Variants in BCAS3 observed in about 807,000 individuals in gnomAD.
BCAS3 encodes BCAS4/BCAS3 fusion.
BCAS3 carries 53 observed loss-of-function variants against 116.1 expected under a neutral mutation model. The observed-to-expected ratio is 0.46, with a 90% CI of 0.37 to 0.57. The LOEUF is 0.57. BCAS3 is among the 20% of genes least tolerant of loss of function. BCAS3 has a pLI of 0.00. For missense variants in BCAS3, 917 were observed against 1,165.4 expected (o/e 0.79, Z 3.10); for synonymous variants, 391 against 408.2 (o/e 0.96, Z 0.51).
At chr17:61,016,914 A>G (rs1484653116) in intron 16 of BCAS3, 1 of 152,204 alleles carries the variant, frequency 6.6e-6, no homozygotes, top group Non-Finnish European at 1.5e-5. Flanking sequence ...AGCTCCAGGT[A>G]TCACCACAAC....
chr17:60,949,613 T>C (rs1300326455), intron 14 of BCAS3, among the ~76,000 whole-genome samples: 1 of 152,190 alleles, frequency 6.6e-6, no homozygotes, highest in Non-Finnish European at 1.5e-5. Context: ...GTTGTACCTA[T>C]TTGTGGGGTA....
intron 22 of BCAS3, among the ~76,000 whole-genome samples, chr17:61,319,668 T>C (rs941496145): frequency 6.6e-6 from 1 of 151,928 alleles, no homozygotes; most frequent in East Asian, 1.9e-4. Flanking sequence ...AATTTTTTGA[T>C]GGCTTGTCAT....
intron 7 of BCAS3, among the ~76,000 whole-genome samples, chr17:60,858,459 A>T (rs2053868100): frequency 6.6e-6 from 1 of 151,760 alleles, no homozygotes; most frequent in Non-Finnish European, 1.5e-5. Flanking sequence ...CCCTACTCCC[A>T]CAGTCATGGT....
At chr17:60,860,708 G>A (rs1430016517) in intron 7 of BCAS3, among the ~76,000 whole-genome samples, 1 of 152,138 alleles carries the variant, frequency 6.6e-6, no homozygotes, top group Non-Finnish European at 1.5e-5. Context: ...TCCTGCATAT[G>A]GTTTGCCAGT....
intron 22 of BCAS3, among the ~76,000 whole-genome samples, chr17:61,340,895 G>T (rs1354441371): frequency 1.3e-5 from 2 of 152,210 alleles, no homozygotes; most frequent in South Asian, 2.1e-4. Context: ...AACAGTCAGT[G>T]TGGGATATAT....
chr17:60,821,339 TACA>T (rs765389136), intron 7 of BCAS3, among the ~76,000 whole-genome samples: 25 of 152,206 alleles, frequency 1.6e-4, no homozygotes, highest in Non-Finnish European at 3.2e-4. Context: ...CATACATACA[TACA>T]TACATACATT....
chr17:60,895,220 A>G (rs1185119878), intron 10 of BCAS3, among the ~76,000 whole-genome samples: 2 of 151,814 alleles, frequency 1.3e-5, no homozygotes, highest in African/African-American at 2.4e-5. Context: ...TTTATTACCT[A>G]CTCACTCTCA....
rs983740222 is a variant in BCAS3 at position 61,181,288 on chromosome 17, G to A, written c.2425+96724G>A. Reference sequence around the variant, plus strand: ...TCCTTGCCTAAGCCCATGCTTACATGCTAAGGCCTGAAACTGTGAAGACCT... The same window carrying A: ...TCCTTGCCTAAGCCCATGCTTACATACTAAGGCCTGAAACTGTGAAGACCT... On this transcript the variant is annotated intron_variant, in intron 22 of 23. Coordinates refer to ENST00000407086, the MANE Select transcript of BCAS3 (RefSeq NM_017679.5). This position sits in a 1 kb window ranked among gnomAD's most constrained non-coding sequence, Gnocchi z 5.0. Among the ~76,000 whole-genome samples, 1 of 152,188 alleles carries A rather than the reference G, an allele frequency of 6.6e-6. No individual in the cohort carries two copies. Among genetic ancestry groups the A allele is most frequent in the Non-Finnish European group, 1.5e-5 (1 of 68,044 alleles).
At chr17:61,085,591 G>A (rs1466467493) in intron 22 of BCAS3, among the ~76,000 whole-genome samples, 1 of 152,130 alleles carries the variant, frequency 6.6e-6, no homozygotes, top group Non-Finnish European at 1.5e-5. Flanking sequence ...ATTGTACCTT[G>A]CATCTTACTG....
Position 60,990,341 on chromosome 17 carries a change from A to C in BCAS3, c.1486+106A>C. The C allele has an allele frequency of 8.3e-7, 1 of 1,197,788 alleles. No homozygotes were observed. Among genetic ancestry groups the C allele is most frequent in the South Asian group, 1.6e-5 (1 of 63,934 alleles). The allele number at this position is 1,197,788 out of a possible 1,614,324, so 74.2% of individuals were successfully genotyped here. On this transcript the variant is annotated intron_variant, in intron 15 of 23. Coordinates refer to ENST00000407086, the MANE Select transcript of BCAS3 (RefSeq NM_017679.5). This position sits in a 1 kb window ranked among gnomAD's most constrained non-coding sequence, Gnocchi z 5.1. ...CTTGTTATAGTCTGTTCATGTAAAAAGAAGATCTTAGGCTTATATGAAATT... is the reference window on the plus strand; with the variant it reads ...CTTGTTATAGTCTGTTCATGTAAAACGAAGATCTTAGGCTTATATGAAATT...
intron 6 of BCAS3, among the ~76,000 whole-genome samples, chr17:60,762,042 T>G (rs2043592098): frequency 6.6e-6 from 1 of 152,206 alleles, no homozygotes; most frequent in South Asian, 2.1e-4. Flanking sequence ...TGCCCGCTTT[T>G]GGATGGGGTT....
Position 61,039,712 on chromosome 17 carries a change from C to T in BCAS3, c.1929-1080C>T, listed in dbSNP as rs150936520. Among the ~76,000 whole-genome samples, 199 of 152,180 alleles carry T rather than the reference C, an allele frequency of 1.3e-3. No homozygotes were observed. The Middle Eastern group carries it at 0.017, about 13-fold the overall frequency. Reference sequence around the variant, plus strand: ...CTGGGATTACAGGCGTGAGCCACCGCGCCGGCCCATGAACATATTTTTTTA... The same window carrying T: ...CTGGGATTACAGGCGTGAGCCACCGTGCCGGCCCATGAACATATTTTTTTA... On this transcript the variant is annotated intron_variant, in intron 18 of 23. Coordinates refer to ENST00000407086, the MANE Select transcript of BCAS3 (RefSeq NM_017679.5).
chr17:60,845,130 G>A (rs982424239), intron 7 of BCAS3, among the ~76,000 whole-genome samples: 1 of 152,228 alleles, frequency 6.6e-6, no homozygotes, highest in Admixed American at 6.5e-5. Context: ...TCAGGAGCCT[G>A]AGGCAGGAGA....
intron 22 of BCAS3, among the ~76,000 whole-genome samples, chr17:61,336,524 A>G (rs188462345): frequency 6.6e-6 from 1 of 152,254 alleles, no homozygotes; most frequent in East Asian, 1.9e-4. Context: ...CCTCTAGCCC[A>G]GCTACGCTGG....
At chr17:60,763,800 AATTTGGCTGTGAAGCC>A (rs1488377916) in intron 6 of BCAS3, among the ~76,000 whole-genome samples, 1 of 152,226 alleles carries the variant, frequency 6.6e-6, no homozygotes, top group Admixed American at 6.5e-5. Flanking sequence ...CCTCTGGTAG[AATTTGGCTGTGAAGCC>A]ATCTGGTCCT....
rs2076486610 is a variant in BCAS3 at position 61,134,062 on chromosome 17, G to A, written c.2425+49498G>A. Among the ~76,000 whole-genome samples the A allele has an allele frequency of 1.3e-5, 2 of 152,196 alleles. No homozygotes were observed. Among genetic ancestry groups the A allele is most frequent in the South Asian group, 4.1e-4 (2 of 4,824 alleles). On this transcript the variant is annotated intron_variant, in intron 22 of 23. Transcript: ENST00000407086. This position sits in a 1 kb window ranked among gnomAD's most constrained non-coding sequence, Gnocchi z 4.6. ...TTAAATTGAGGGATGTACTAACAAA[G>A]GAGTCATATACAAAAAGGGAGGAGA...
chr17:61,239,867 C>T lies in BCAS3; in HGVS notation c.2426-128460C>T, dbSNP rs959807384. The stretch of plus-strand genomic sequence containing the variant: ...CTATTTTAATCAAATGGCTTTACAA[C>T]TTGACCTTTTAAATGTGAATATATT... On this transcript the variant is annotated intron_variant, in intron 22 of 23. Coordinates refer to ENST00000407086, the MANE Select transcript of BCAS3 (RefSeq NM_017679.5). This position sits in a 1 kb window ranked among gnomAD's most constrained non-coding sequence, Gnocchi z 4.2. Among the ~76,000 whole-genome samples, 4 of 152,156 alleles carry T rather than the reference C, an allele frequency of 2.6e-5. No individual in the cohort carries two copies. Among genetic ancestry groups the T allele is most frequent in the Non-Finnish European group, 4.4e-5 (3 of 68,032 alleles).
At position 61,379,115 on chromosome 17, in the gene BCAS3, G is replaced by T. The variant is rs1217105738; in HGVS notation, c.2593+10621G>T. On this transcript the variant is annotated intron_variant, in intron 23 of 23. Transcript: ENST00000407086. This position sits in a 1 kb window ranked among gnomAD's most constrained non-coding sequence, Gnocchi z 5.5. ...AGGGCTGTTGGACCCCCAGAGCCAGGCTCTCCTCTGGAAGCATCAACATAG... is the reference window on the plus strand; with the variant it reads ...AGGGCTGTTGGACCCCCAGAGCCAGTCTCTCCTCTGGAAGCATCAACATAG... 6.6e-6 allele frequency: 1 copy of T among 152,308 alleles called. No homozygotes were observed. Among genetic ancestry groups the T allele is most frequent in the African/African-American group, 2.4e-5 (1 of 41,446 alleles). 9.4% of individuals were successfully genotyped at this position (152,308 alleles called of 1,614,324 possible).
chr17:60,717,217 C>CTTTTT (rs568833782), intron 5 of BCAS3, among the ~76,000 whole-genome samples: 1 of 133,938 alleles, frequency 7.5e-6, no homozygotes, highest in African/African-American at 3.2e-5. Flanking sequence ...TCTTCTTCTT[C>CTTTTT]TTTTTTTTTT....
Sources: gnomAD v4.1 joint callset for allele counts (sites outside exome capture counted in the v4.1 genomes callset) on GRCh38, gnomAD v4.1.1 for gene constraint, Gnocchi (gnomAD v3.1) non-coding constraint, MANE v1.5 for transcripts, NCBI Gene and HGNC (gene_info 2026-07-23, HGNC 2026-07-21) for gene names.